The following WDR38 variants were observed in gnomAD, a reference collection of about 807,000 sequenced individuals.
The protein encoded by WDR38 is WD repeat domain 38.
WDR38 carries 37 observed loss-of-function variants against 36.6 expected under a neutral mutation model. The ratio of observed to expected loss-of-function variants is 1.01; its 90% CI spans 0.78 to 1.33. The LOEUF (loss-of-function observed/expected upper bound fraction) is 1.33. Among genes scored for constraint, WDR38 ranks in the 40% most tolerant of loss-of-function variants. The pLI is 0.00. For synonymous variants in WDR38, 164 were observed against 168.1 expected (o/e 0.98, Z 0.19); for missense variants, 411 against 414.6 (o/e 0.99, Z 0.07).
At chr9:124,854,461 T>G in intron 2 of WDR38, 136 bp downstream of exon 2, 1 of 1,375,266 alleles carries the variant, frequency 7.3e-7, no homozygotes, top group Non-Finnish European at 9.9e-7. Context: ...GGACGAGATA[T>G]CTGGGTGCTG....
chr9:124,856,223 C>T lies in WDR38; in HGVS notation c.406-17C>T. On this transcript the variant is annotated splice_polypyrimidine_tract_variant and intron_variant, in intron 4 of 8. Transcript: ENST00000373574. The stretch of plus-strand genomic sequence containing the variant: ...GGCTGCCCTCTGCTGCCTTCTGCAG[C>T]TCAGGGCTCTCTCTAGTCCGGCCAG... The T allele has an allele frequency of 6.2e-7, 1 of 1,614,114 alleles. No individual in the cohort carries two copies. The highest frequency in any genetic ancestry group is 1.1e-5 in the South Asian group (1 of 91,090).
In WDR38 at chr9:124,853,467, C is replaced by CCA; in HGVS notation, c.-64_-63dup. 1 of 1,062,846 alleles carries CCA rather than the reference C, an allele frequency of 9.4e-7. No homozygotes were observed. Among genetic ancestry groups the CCA allele is most frequent in the Non-Finnish European group, 1.2e-6 (1 of 828,590 alleles). The allele number at this position is 1,062,846 out of a possible 1,614,324, so 65.8% of individuals were successfully genotyped here. On this transcript the variant is annotated 5_prime_UTR_variant, in exon 1 of 9. Coordinates refer to ENST00000373574, the MANE Select transcript of WDR38 (RefSeq NM_001045476.3). ...GTACACAGTTTCCTCTTTCCTCTGC[C>CCA]CAGTCCTGGGGTCCCGCGGCCGCCT...
At chr9:124,855,279 G>C (rs1462079479) in intron 2 of WDR38, among the ~76,000 whole-genome samples, 1 of 152,142 alleles carries the variant, frequency 6.6e-6, no homozygotes, top group Non-Finnish European at 1.5e-5. Flanking sequence ...TATTATTCAG[G>C]AGACAAGAAA....
Position 124,856,470 on chromosome 9 carries a change from C to T in WDR38, c.488C>T (p.Ala163Val), listed in dbSNP as rs1323242001. The T allele has an allele frequency of 1.9e-6, 3 of 1,612,006 alleles. No individual in the cohort carries two copies. Among genetic ancestry groups the T allele is most frequent in the South Asian group, 2.2e-5 (2 of 90,860 alleles). Residue 163 changes from alanine to valine, a missense_variant and splice_region_variant, in exon 6 of 9, where the codon GCC (alanine) becomes GTC (valine). Coordinates refer to ENST00000373574, the MANE Select transcript of WDR38 (RefSeq NM_001045476.3). ...CAGACTCACAGAAGCTGCCTGCAGG[C>T]CACCGGCTCCTGGGACTCCACCGTA... ...SDFSPTVNCL[A>V]TGSWDSTVHI... is the part of the protein sequence containing the mutation.
chr9:124,855,604 T>G (rs1349426211), intron 2 of WDR38, 30 bp from the exon 3 acceptor site: 7 of 1,594,304 alleles, frequency 4.4e-6, no homozygotes, highest in Middle Eastern at 1.7e-4. Context: ...CGGGCAGTGC[T>G]CTGTCCCCTG....
At chr9:124,853,630 C>A in intron 1 of WDR38, 30 bp downstream of exon 1, 1 of 1,266,572 alleles carries the variant, frequency 7.9e-7, no homozygotes, top group Admixed American at 4.0e-5. Context: ...GCCCAGACTC[C>A]CGGCTTTGGA....
chr9:124,857,218 T>G (rs1044751369), intron 7 of WDR38, 146 bp from the exon 8 acceptor site: 6 of 1,079,568 alleles, frequency 5.6e-6, no homozygotes, highest in Admixed American at 3.7e-5. Context: ...TCCCAGCACT[T>G]TGGGAGGTGG....
At chr9:124,857,328 G>T in intron 7 of WDR38, 36 bp from the exon 8 acceptor site, 1 of 1,579,304 alleles carries the variant, frequency 6.3e-7, no homozygotes, top group Admixed American at 1.8e-5. Context: ...ACAGTGGCCT[G>T]GTGAGGCTTC....
rs1427149786 is a variant in WDR38, at chr9:124,857,754, C to G, written c.*124C>G. 3 of 1,511,738 alleles carry G rather than the reference C, an allele frequency of 2.0e-6. No homozygotes were observed. The Admixed American group carries it at 5.6e-5, about 28-fold the overall frequency. The allele number at this position is 1,511,738 out of a possible 1,614,324, so 93.6% of individuals were successfully genotyped here. On this transcript the variant is annotated 3_prime_UTR_variant, in exon 9 of 9. Transcript: ENST00000373574. ...CCAGCAGATCCCCATGGCCAGGACT[C>G]TCCAGGCCCCACCAGAGCAGACAAC...
At position 124,856,441 on chromosome 9, in the gene WDR38, G is replaced by A. The variant is rs779395656; in HGVS notation, c.487-28G>A. 2.5e-6 allele frequency: 4 copies of A among 1,611,868 alleles called. No individual in the cohort carries two copies. The African/African-American group carries it at 4.0e-5, about 16-fold the overall frequency. ...ATGCAGAGTGGGTGGAGAGCTGGCT[G>A]GGCCAGACTCACAGAAGCTGCCTGC... On this transcript the variant is annotated intron_variant, in intron 5 of 8. Transcript: ENST00000373574.
rs1829121394 is a variant in WDR38, at chr9:124,857,675, TG to T, written c.*47del. The stretch of plus-strand genomic sequence containing the variant: ...TGCCGACCTCACCCGCTCCCCTCAG[TG>T]GCGCACAGGCATGCCGCTTCTCCCC... On this transcript the variant is annotated 3_prime_UTR_variant, in exon 9 of 9. Coordinates refer to ENST00000373574, the MANE Select transcript of WDR38 (RefSeq NM_001045476.3). 3 of 1,610,530 alleles carry T rather than the reference TG, an allele frequency of 1.9e-6. No homozygotes were observed. Among genetic ancestry groups the T allele is most frequent in the Non-Finnish European group, 2.5e-6 (3 of 1,179,614 alleles).
intron 4 of WDR38, 94 bp downstream of exon 4, chr9:124,856,052 C>G (rs896965677): frequency 4.5e-6 from 7 of 1,560,868 alleles, no homozygotes; most frequent in Non-Finnish European, 6.1e-6. Flanking sequence ...AAACCCTCCA[C>G]TGGTTCCCAT....
chr9:124,854,158 A>G, intron 1 of WDR38, 47 bp from the exon 2 acceptor site: 1 of 1,611,570 alleles, frequency 6.2e-7, no homozygotes, highest in South Asian at 1.1e-5. Context: ...AGATGAGCGG[A>G]CAGGGGTTTC....
intron 5 of WDR38, 63 bp downstream of exon 5, chr9:124,856,383 G>A: frequency 1.2e-6 from 2 of 1,613,460 alleles, no homozygotes; most frequent in Non-Finnish European, 1.7e-6. Context: ...GAGCTGAGTG[G>A]TGGGAAGGGG....
At chr9:124,855,515 A>G (rs1829025783) in intron 2 of WDR38, 119 bp from the exon 3 acceptor site, 2 of 1,003,042 alleles carry the variant, frequency 2.0e-6, no homozygotes, top group Middle Eastern at 3.1e-4. Flanking sequence ...CATTTCTGGG[A>G]AGCTGGAGTT....
chr9:124,857,317 C>T, intron 7 of WDR38, 47 bp from the exon 8 acceptor site: 1 of 1,607,628 alleles, frequency 6.2e-7, no homozygotes, highest in African/African-American at 1.4e-5. Flanking sequence ...CTTCAGATGC[C>T]ACAGTGGCCT....
chr9:124,856,773 C>T lies in WDR38; in HGVS notation c.660C>T (p.Pro220=). The change falls in exon 7 of 9, where the codon CCC becomes CCT. Residue 220 remains proline, a synonymous_variant. Coordinates refer to ENST00000373574, the MANE Select transcript of WDR38 (RefSeq NM_001045476.3). ...ACAAGACCATCCACATCTGGAAGCCCACAACCAGCAGCCTGCTTATCCAAC... is the reference window on the plus strand; with the variant it reads ...ACAAGACCATCCACATCTGGAAGCCTACAACCAGCAGCCTGCTTATCCAAC... ...SWDKTIHIWK[P]TTSSLLIQLK... The T allele has an allele frequency of 2.5e-6, 4 of 1,614,256 alleles. No individual in the cohort carries two copies. The highest frequency in any genetic ancestry group is 3.4e-6 in the Non-Finnish European group (4 of 1,180,050).
intron 2 of WDR38, 33 bp downstream of exon 2, chr9:124,854,358 G>T (rs1250714622): frequency 1.9e-6 from 3 of 1,611,022 alleles, no homozygotes; most frequent in Non-Finnish European, 2.5e-6. Flanking sequence ...GGAAGACCGA[G>T]GCACAAGGGT....
chr9:124,856,398 A>C, intron 5 of WDR38, 71 bp from the exon 6 acceptor site: 25 of 1,612,642 alleles, frequency 1.6e-5, no homozygotes, highest in Non-Finnish European at 2.1e-5. Context: ...AAGGGGATGG[A>C]CTCTGGGTCC....
Sources: allele counts gnomAD v4.1 joint callset (sites outside exome capture counted in the v4.1 genomes callset), GRCh38; gene constraint gnomAD v4.1.1; transcripts MANE v1.5; gene names NCBI Gene and HGNC (gene_info 2026-07-23, HGNC 2026-07-21).